ALS2: variants seen among roughly 807,000 people sequenced by gnomAD.
The protein encoded by ALS2 is alsin Rho guanine nucleotide exchange factor ALS2.
A neutral mutation model predicts 203.4 loss-of-function variants in ALS2; 117 were observed. That is an observed-to-expected ratio of 0.58 (90% CI 0.50 to 0.67). The LOEUF (loss-of-function observed/expected upper bound fraction) is 0.67, where lower values mean the gene tolerates loss of function less well. ALS2 is among the 30% of genes least tolerant of loss of function. The pLI, the probability that ALS2 is intolerant of heterozygous loss-of-function variation, is 0.00. For missense variants in ALS2, 1,715 were observed against 1,989.4 expected (o/e 0.86, Z 2.62); for synonymous variants, 718 against 725.9 (o/e 0.99, Z 0.17).
At chr2:201,745,643 G>A (rs1692584529) in intron 9 of ALS2, among the ~76,000 whole-genome samples, 1 of 152,036 alleles carries the variant, frequency 6.6e-6, no homozygotes, top group South Asian at 2.1e-4. Flanking sequence ...TAAACAGTAG[G>A]TAAACAGTAG....
At chr2:201,745,150 T>C (rs560135197) in intron 9 of ALS2, among the ~76,000 whole-genome samples, 1 of 152,326 alleles carries the variant, frequency 6.6e-6, no homozygotes, top group East Asian at 1.9e-4. Context: ...AAATCATTCA[T>C]GGGGAATGTA....
At chr2:201,738,816 A>G (rs932894304) in intron 11 of ALS2, 81 bp from the exon 12 acceptor site, 1 of 1,169,398 alleles carries the variant, frequency 8.6e-7, no homozygotes, top group East Asian at 2.4e-5. Flanking sequence ...CCTGGAATAG[A>G]TAATTCTTGA....
chr2:201,740,879 C>T (rs1184286847), intron 11 of ALS2, among the ~76,000 whole-genome samples: 1 of 152,062 alleles, frequency 6.6e-6, no homozygotes, highest in East Asian at 1.9e-4. Flanking sequence ...ACACGAACTC[C>T]CTGAGGGCTG....
At chr2:201,714,923 T>C (rs1259115191) in intron 25 of ALS2, among the ~76,000 whole-genome samples, 4 of 152,192 alleles carry the variant, frequency 2.6e-5, no homozygotes, top group Non-Finnish European at 5.9e-5. Flanking sequence ...TATTTTCTGG[T>C]TCGCAGGCAC....
At chr2:201,736,720 C>T (rs1691895581) in intron 12 of ALS2, among the ~76,000 whole-genome samples, 1 of 151,936 alleles carries the variant, frequency 6.6e-6, no homozygotes, top group South Asian at 2.1e-4. Flanking sequence ...ATAAAAGGCC[C>T]AAATGAATAA....
chr2:201,727,688 A>AGGGGGGGGGGGGGGTT lies in ALS2; in HGVS notation c.2912+16_2912+17insAACCCCCCCCCCCCCC. ...CAGACTTGGACGGGGTGGGGTGGGGAGGGGGGACGCACTTACACACCACCA... is the reference window on the plus strand; with the variant it reads ...CAGACTTGGACGGGGTGGGGTGGGGAGGGGGGGGGGGGGGTTGGGGGGACGCACTTACACACCACCA... On this transcript the variant is annotated intron_variant, in intron 16 of 33. Coordinates refer to ENST00000264276, the MANE Select transcript of ALS2 (RefSeq NM_020919.4). 9.2e-7 allele frequency: 1 copy of AGGGGGGGGGGGGGGTT among 1,090,050 alleles called. No homozygotes were observed. Among genetic ancestry groups the AGGGGGGGGGGGGGGTT allele is most frequent in the East Asian group, 5.2e-5 (1 of 19,372 alleles). The allele number at this position is 1,090,050 out of a possible 1,614,324, so 67.5% of individuals were successfully genotyped here.
At chr2:201,718,546 C>G (rs1191548429) in intron 23 of ALS2, among the ~76,000 whole-genome samples, 5 of 152,192 alleles carry the variant, frequency 3.3e-5, no homozygotes, top group African/African-American at 1.2e-4. Flanking sequence ...CAGGCATGAG[C>G]TACCACGCCC....
At position 201,741,747 on chromosome 2, in the gene ALS2, G is replaced by A; in HGVS notation, c.2278C>T (p.Leu760Phe). 1 of 1,614,124 alleles carries A rather than the reference G, an allele frequency of 6.2e-7. No individual in the cohort carries two copies. Among genetic ancestry groups the A allele is most frequent in the Non-Finnish European group, 8.5e-7 (1 of 1,180,020 alleles). Residue 760 changes from leucine to phenylalanine, a missense_variant, in exon 11 of 34, where the codon CTT (leucine) becomes TTT (phenylalanine). Around this residue, in one of 3 missense-constraint regions of ALS2, gnomAD observed 1,227 missense variants for 1,413.5 expected, o/e 0.87. Coordinates refer to ENST00000264276, the MANE Select transcript of ALS2 (RefSeq NM_020919.4). ...GQHGASLSSF[L>F]HGVKEARSLV... is the part of the protein sequence containing the mutation. ...CTCCTGGCTTCCTTTACCCCATGAA[G>A]GAAGCTGCTCAATGAGGCTCCATGC...
intron 8 of ALS2, among the ~76,000 whole-genome samples, chr2:201,747,678 T>C (rs1448945209): frequency 6.6e-6 from 1 of 152,094 alleles, no homozygotes; most frequent in African/African-American, 2.4e-5. Flanking sequence ...CTCGGTCTCC[T>C]GACCTCATGA....
chr2:201,706,729 G>T, intron 29 of ALS2, 117 bp downstream of exon 29: 2 of 1,054,252 alleles, frequency 1.9e-6, no homozygotes, highest in Non-Finnish European at 2.8e-6. Context: ...GAAGACATAT[G>T]CAAAAAATAA....
At chr2:201,715,013 G>T (rs1690277276) in intron 25 of ALS2, among the ~76,000 whole-genome samples, 1 of 152,170 alleles carries the variant, frequency 6.6e-6, no homozygotes, top group African/African-American at 2.4e-5. Context: ...GGAGAACAGA[G>T]AACAAAGCCA....
intron 4 of ALS2, among the ~76,000 whole-genome samples, chr2:201,759,302 A>G (rs1693611769): frequency 6.6e-6 from 1 of 152,198 alleles, no homozygotes; most frequent in South Asian, 2.1e-4. Flanking sequence ...AACCAGTAAT[A>G]CTTTGGTTTA....
chr2:201,715,904 A>C, intron 24 of ALS2, 65 bp from the exon 25 acceptor site: 4 of 1,585,646 alleles, frequency 2.5e-6, no homozygotes, highest in Non-Finnish European at 3.5e-6. Flanking sequence ...CAAAGAACAG[A>C]AACTTTCTAA....
intron 2 of ALS2, 137 bp downstream of exon 2, chr2:201,768,729 C>A: frequency 1.3e-6 from 1 of 784,086 alleles, no homozygotes; most frequent in South Asian, 2.0e-5. Context: ...TCTTTACCAA[C>A]GAACTAACTA....
chr2:201,704,202 A>G lies in ALS2; in HGVS notation c.4855T>C (p.Ser1619Pro). ...VLRARIRNLG[S>P]EVHLIEDLMD... Reference sequence around the variant, plus strand: ...AGATCCTCAATGAGGTGTACCTCAGAGCCTAAATTCCTAATCCTGCCCCAG... The same window carrying G: ...AGATCCTCAATGAGGTGTACCTCAGGGCCTAAATTCCTAATCCTGCCCCAG... Residue 1619 changes from serine to proline, a missense_variant, in exon 33 of 34, where the codon TCT (serine) becomes CCT (proline). Physicochemically the swap from Ser to Pro is moderately conservative, Grantham distance 74. This residue lies in a region of ALS2 where 1,227 missense variants were observed against 1,413.5 expected (regional missense o/e 0.87). Coordinates refer to ENST00000264276, the MANE Select transcript of ALS2 (RefSeq NM_020919.4). The G allele has an allele frequency of 6.2e-7, 1 of 1,614,030 alleles. No homozygotes were observed. The highest frequency in any genetic ancestry group is 8.5e-7 in the Non-Finnish European group (1 of 1,179,902).
intron 30 of ALS2, 82 bp from the exon 31 acceptor site, chr2:201,705,282 G>C: frequency 6.7e-7 from 1 of 1,482,868 alleles, no homozygotes; most frequent in South Asian, 1.1e-5. Flanking sequence ...TCAGAGTGCA[G>C]GTCTTTGGTA....
At chr2:201,740,909 T>C (rs143099313) in intron 11 of ALS2, among the ~76,000 whole-genome samples, 3 of 152,304 alleles carry the variant, frequency 2.0e-5, no homozygotes, top group East Asian at 3.9e-4. Context: ...GCAGGCCCCA[T>C]GCTGTGCTGC....
Position 201,718,229 on chromosome 2 carries a change from T to C in ALS2, c.3703-19A>G, listed in dbSNP as rs1285742214. 1.9e-6 allele frequency: 3 copies of C among 1,607,772 alleles called. No homozygotes were observed. Among genetic ancestry groups the C allele is most frequent in the East Asian group, 2.2e-5 (1 of 44,790 alleles). On this transcript the variant is annotated intron_variant, in intron 23 of 33. Coordinates refer to ENST00000264276, the MANE Select transcript of ALS2 (RefSeq NM_020919.4). ...GTGTTCCCTAGGTAAAGTCAGAGAA[T>C]AAAATGTGGGGTTAGAGGAAATATA...
At chr2:201,717,268 C>T (rs907118475) in intron 24 of ALS2, among the ~76,000 whole-genome samples, 2 of 151,828 alleles carry the variant, frequency 1.3e-5, no homozygotes, top group African/African-American at 4.8e-5. Flanking sequence ...AGTTCGAGAC[C>T]AGCCTGGCCA....
Sources: gnomAD v4.1 joint callset for allele counts (sites outside exome capture counted in the v4.1 genomes callset) on GRCh38, gnomAD v4.1.1 for gene constraint, gnomAD v4.1.1 regional missense constraint, MANE v1.5 for transcripts, NCBI Gene and HGNC (gene_info 2026-07-23, HGNC 2026-07-21) for gene names.